CTBS: variants seen among roughly 807,000 people sequenced by gnomAD.
CTBS encodes the protein chitobiase.
CTBS carries 35 observed loss-of-function variants against 44.3 expected under a neutral mutation model. The observed-to-expected ratio is 0.79, with a 90% CI of 0.60 to 1.05. CTBS has a LOEUF of 1.05. Among genes scored for constraint, CTBS ranks in the 50% least tolerant of loss-of-function variants. The pLI is 0.00. For synonymous variants in CTBS, 143 were observed against 168.0 expected, an observed-to-expected ratio of 0.85 and a Z score of 1.15; for missense variants, 458 against 475.3, an observed-to-expected ratio of 0.96 and a Z score of 0.34.
chr1:84,561,828 G>A (rs556713367), intron 6 of CTBS, among the ~76,000 whole-genome samples: 1 of 152,246 alleles, frequency 6.6e-6, no homozygotes, highest in East Asian at 1.9e-4. Context: ...TTAAATTAAG[G>A]TATGTACTTT....
At chr1:84,562,313 A>G (rs1251496154) in intron 6 of CTBS, among the ~76,000 whole-genome samples, 1 of 152,246 alleles carries the variant, frequency 6.6e-6, no homozygotes, top group East Asian at 1.9e-4. Flanking sequence ...TGTTTAGGAA[A>G]GATAAGATTA....
intron 4 of CTBS, 28 bp from the exon 5 acceptor site, chr1:84,563,860 T>C: frequency 6.3e-7 from 1 of 1,592,642 alleles, no homozygotes; most frequent in Non-Finnish European, 8.5e-7. Flanking sequence ...AAAAAGCATA[T>C]TTGTTTCTCT....
chr1:84,563,828 A>C lies in CTBS; in HGVS notation c.702T>G (p.Tyr234Ter), dbSNP rs1222898831. Residue 234 changes from tyrosine (Y) to a stop codon, truncating the protein, a stop_gained, in exon 5 of 7, where the codon TAT (tyrosine) becomes TAG (stop). Coordinates refer to ENST00000370630, the MANE Select transcript of CTBS (RefSeq NM_004388.3). LOFTEE classifies it high-confidence loss of function. ...NAPYNQTLTG[Y>*]NDYIKMSINP... ...TAATGCTCATCTTGATGTAGTCATTATATCCTAGTCAAGCAGGAGAGAAAA... is the reference window on the plus strand; with the variant it reads ...TAATGCTCATCTTGATGTAGTCATTCTATCCTAGTCAAGCAGGAGAGAAAA... 5.0e-6 allele frequency: 8 copies of C among 1,603,592 alleles called. No homozygotes were observed. The East Asian group carries it at 1.3e-4, about 27-fold the overall frequency.
In CTBS at chr1:84,551,932, T is replaced by C. The variant is rs1342379788; in HGVS notation, c.*3067A>G. On this transcript the variant is annotated 3_prime_UTR_variant, in exon 7 of 7. Transcript: ENST00000370630. ...TGGAAAGCATGCACATTACTTGTAA[T>C]CTTTGTATATTTTAACATTACAAAT... The C allele has an allele frequency of 6.6e-6, 1 of 152,152 alleles. No homozygotes were observed. Among genetic ancestry groups the C allele is most frequent in the African/African-American group, 2.4e-5 (1 of 41,442 alleles). The allele number at this position is 152,152 out of a possible 1,614,324, so 9.4% of individuals were successfully genotyped here. A position where few individuals can be genotyped will look rare whatever the true frequency, so the allele number is the denominator to read the frequency against.
chr1:84,555,494 T>C (rs1021914959), intron 6 of CTBS, among the ~76,000 whole-genome samples: 4 of 152,252 alleles, frequency 2.6e-5, no homozygotes, highest in African/African-American at 9.6e-5. Context: ...CAACTTATCA[T>C]ATGTTTATGG....
At chr1:84,556,434 C>G (rs934465575) in intron 6 of CTBS, among the ~76,000 whole-genome samples, 4 of 151,988 alleles carry the variant, frequency 2.6e-5, no homozygotes, top group African/African-American at 7.3e-5. Flanking sequence ...ACTTTGGGGC[C>G]GGGCACGGTG....
intron 6 of CTBS, among the ~76,000 whole-genome samples, chr1:84,557,857 C>CA (rs375521066): frequency 0.25 from 29,179 of 117,566 alleles, 3,137 homozygotes; most frequent in Middle Eastern, 0.36. Context: ...GACTCCATCT[C>CA]AAAAAAAAAA....
chr1:84,553,164 ATATG>A lies in CTBS; in HGVS notation c.*1831_*1834del. 8.5e-7 allele frequency: 1 copy of A among 1,173,704 alleles called. No homozygotes were observed. 72.7% of individuals were successfully genotyped at this position (1,173,704 alleles called of 1,614,324 possible). A position where few individuals can be genotyped will look rare whatever the true frequency, so the allele number is the denominator to read the frequency against. ...AACTTTTATTTGTAAAAAAATTTAA[ATATG>A]TATTTGAACAGATTTGTTTAACCAT... On this transcript the variant is annotated 3_prime_UTR_variant, in exon 7 of 7. Coordinates refer to ENST00000370630, the MANE Select transcript of CTBS (RefSeq NM_004388.3).
Position 84,551,358 on chromosome 1 carries a change from C to T in CTBS, c.*3641G>A, listed in dbSNP as rs943959592. 2.0e-5 allele frequency: 16 copies of T among 809,012 alleles called. No homozygotes were observed. The Admixed American group carries it at 6.3e-4, about 32-fold the overall frequency. 50.1% of individuals were successfully genotyped at this position (809,012 alleles called of 1,614,324 possible). A position where few individuals can be genotyped will look rare whatever the true frequency, so the allele number is the denominator to read the frequency against. On this transcript the variant is annotated 3_prime_UTR_variant, in exon 7 of 7. Coordinates refer to ENST00000370630, the MANE Select transcript of CTBS (RefSeq NM_004388.3). ...AGAAAATCAGTACTGTCCTCGGTTT[C>T]AGATAAAAATAAAAATAAATAAAAT...
chr1:84,574,215 A>G (rs1388544281), intron 1 of CTBS, 24 bp downstream of exon 1: 16 of 1,600,010 alleles, frequency 1.0e-5, no homozygotes, highest in Non-Finnish European at 1.3e-5. Flanking sequence ...GCCCAGACCT[A>G]GAGGAGCAGA....
chr1:84,569,415 A>C (rs11804801), intron 3 of CTBS, among the ~76,000 whole-genome samples: 1 of 152,184 alleles, frequency 6.6e-6, no homozygotes, highest in African/African-American at 2.4e-5. Context: ...GTTGTCTGGC[A>C]AGATAGCTTG....
Position 84,550,078 on chromosome 1 carries a change from AG to A in CTBS, c.*4920del, listed in dbSNP as rs1684224790. The A allele has an allele frequency of 6.5e-6, 1 of 152,922 alleles. No individual in the cohort carries two copies. Among genetic ancestry groups the A allele is most frequent in the Non-Finnish European group, 1.5e-5 (1 of 68,944 alleles). The allele number at this position is 152,922 out of a possible 1,614,324, so 9.5% of individuals were successfully genotyped here. A position where few individuals can be genotyped will look rare whatever the true frequency, so the allele number is the denominator to read the frequency against. On this transcript the variant is annotated 3_prime_UTR_variant, in exon 7 of 7. Transcript: ENST00000370630. ...AAATTAGTTTTTGCATATAAAATAT[AG>A]TATCATATTATTAAGTATTTTAAAA...
Position 84,549,981 on chromosome 1 carries a change from C to T in CTBS, c.*5018G>A, listed in dbSNP as rs1684221531. 1 of 151,544 alleles carries T rather than the reference C, an allele frequency of 6.6e-6. No individual in the cohort carries two copies. Among genetic ancestry groups the T allele is most frequent in the African/African-American group, 2.4e-5 (1 of 41,302 alleles). The allele number at this position is 151,544 out of a possible 1,614,324, so 9.4% of individuals were successfully genotyped here. A position where few individuals can be genotyped will look rare whatever the true frequency, so the allele number is the denominator to read the frequency against. On this transcript the variant is annotated 3_prime_UTR_variant, in exon 7 of 7. Coordinates refer to ENST00000370630, the MANE Select transcript of CTBS (RefSeq NM_004388.3). ...TCTTAAATAACTTCTTTAGCGAGGA[C>T]CACTATAACTCATAAACTTTTCTGG...
chr1:84,554,016 C>A lies in CTBS; in HGVS notation c.*983G>T, dbSNP rs1462333206. 1 of 152,140 alleles carries A rather than the reference C, an allele frequency of 6.6e-6. No individual in the cohort carries two copies. Among genetic ancestry groups the A allele is most frequent in the East Asian group, 1.9e-4 (1 of 5,192 alleles). 9.4% of individuals were successfully genotyped at this position (152,140 alleles called of 1,614,324 possible). A position where few individuals can be genotyped will look rare whatever the true frequency, so the allele number is the denominator to read the frequency against. ...CATTAAAAGCACAATGCAGCTCATG[C>A]CTGTAATCCCAGCTCTTTAGGAAGC... On this transcript the variant is annotated 3_prime_UTR_variant, in exon 7 of 7. Transcript: ENST00000370630.
chr1:84,556,710 C>CAAA (rs11417377), intron 6 of CTBS, among the ~76,000 whole-genome samples: 1,395 of 93,406 alleles, frequency 0.015, 48 homozygotes, highest in African/African-American at 0.047. Context: ...GACTCCGTCT[C>CAAA]AAAAAAAAAA....
In CTBS at chr1:84,552,066, G is replaced by GA. The variant is rs1278126432; in HGVS notation, c.*2932dup. ...AAGTTTTCAGCTTATAGGCTGGGGG[G>GA]AAAAAATCCTGTATTTAACCATAGT... is the stretch of plus-strand genomic sequence containing the variant. On this transcript the variant is annotated 3_prime_UTR_variant, in exon 7 of 7. Transcript: ENST00000370630. 1.3e-5 allele frequency: 2 copies of GA among 152,018 alleles called. No individual in the cohort carries two copies. The highest frequency in any genetic ancestry group is 1.9e-4 in the East Asian group (1 of 5,192). The allele number at this position is 152,018 out of a possible 1,614,324, so 9.4% of individuals were successfully genotyped here.
At chr1:84,567,037 T>C (rs1202630335) in intron 3 of CTBS, among the ~76,000 whole-genome samples, 1 of 152,242 alleles carries the variant, frequency 6.6e-6, no homozygotes, top group African/African-American at 2.4e-5. Flanking sequence ...TGTACAAATG[T>C]TCTAAAACTT....
At chr1:84,562,183 C>T (rs890009029) in intron 6 of CTBS, among the ~76,000 whole-genome samples, 3 of 152,096 alleles carry the variant, frequency 2.0e-5, no homozygotes, top group Admixed American at 6.5e-5. Flanking sequence ...CCAAGAGGGG[C>T]GTACAGTATA....
At chr1:84,570,848 CAT>C in intron 1 of CTBS, 128 bp from the exon 2 acceptor site, 1 of 794,348 alleles carries the variant, frequency 1.3e-6, no homozygotes, top group South Asian at 2.4e-5. Flanking sequence ...GTGCATAAGA[CAT>C]AGGGGTCCCA....
Sources: allele counts gnomAD v4.1 joint callset (sites outside exome capture counted in the v4.1 genomes callset), GRCh38; gene constraint gnomAD v4.1.1; transcripts MANE v1.5; gene names NCBI Gene and HGNC (gene_info 2026-07-23, HGNC 2026-07-21).